Variants in COL21A1 observed in about 807,000 individuals in gnomAD.
The protein encoded by COL21A1 is collagen alpha-1(XXI) chain.
In COL21A1, 149 loss-of-function variants were observed where a neutral mutation model predicts 137.9. The observed-to-expected ratio is 1.08, with a 90% confidence interval of 0.95 to 1.24. COL21A1 has a LOEUF of 1.24. Ranked by LOEUF, COL21A1 falls within the 50% of genes most tolerant of loss-of-function variation. The pLI is 0.00. For synonymous variants in COL21A1, 456 were observed against 391.5 expected (o/e 1.16, Z -1.95); for missense variants, 1,167 against 1,158.4 (o/e 1.01, Z -0.11).
At chr6:56,280,847 C>CA (rs1282804135) in intron 1 of COL21A1, among the ~76,000 whole-genome samples, 2 of 151,898 alleles carry the variant, frequency 1.3e-5, no homozygotes, top group Admixed American at 6.6e-5. Flanking sequence ...CTCATCTCTA[C>CA]AAAAAATAAA....
At chr6:56,191,251 CA>C (rs1204824719) in intron 1 of COL21A1, among the ~76,000 whole-genome samples, 1 of 152,126 alleles carries the variant, frequency 6.6e-6, no homozygotes, top group African/African-American at 2.4e-5. Flanking sequence ...AGCACTTCAG[CA>C]AAGTCTCAGG....
chr6:56,317,389 C>T (rs1314160322), intron 1 of COL21A1, among the ~76,000 whole-genome samples: 1 of 152,182 alleles, frequency 6.6e-6, no homozygotes, highest in Non-Finnish European at 1.5e-5. Flanking sequence ...TGCAATCCCC[C>T]ATACTGTCAC....
chr6:56,255,885 A>G (rs1369327164), intron 1 of COL21A1, among the ~76,000 whole-genome samples: 2 of 152,192 alleles, frequency 1.3e-5, no homozygotes, highest in Non-Finnish European at 2.9e-5. Flanking sequence ...AGGGGACGGC[A>G]CAGGATGGGC....
intron 12 of COL21A1, among the ~76,000 whole-genome samples, chr6:56,137,039 A>C (rs935971104): frequency 1.3e-5 from 2 of 152,180 alleles, no homozygotes; most frequent in Non-Finnish European, 2.9e-5. Context: ...GCCAAAGCAG[A>C]AAAATGCAGG....
At chr6:56,076,585 AGT>A in intron 18 of COL21A1, among the ~76,000 whole-genome samples, 1 of 151,540 alleles carries the variant, frequency 6.6e-6, no homozygotes, top group Non-Finnish European at 1.5e-5. Flanking sequence ...GAAAATTATG[AGT>A]GTTTATCATT....
chr6:56,334,406 C>G (rs746241356), intron 1 of COL21A1, among the ~76,000 whole-genome samples: 5 of 152,102 alleles, frequency 3.3e-5, no homozygotes, highest in Non-Finnish European at 5.9e-5. Flanking sequence ...CTTTTGCACA[C>G]TTTAGCTTAG....
intron 1 of COL21A1, among the ~76,000 whole-genome samples, chr6:56,197,526 G>C (rs940952063): frequency 6.6e-6 from 1 of 151,944 alleles, no homozygotes; most frequent in African/African-American, 2.4e-5. Flanking sequence ...ATAAAAAACT[G>C]ATTAAAGGAT....
At chr6:56,377,023 G>A (rs1016089121) in intron 1 of COL21A1, among the ~76,000 whole-genome samples, 3 of 149,958 alleles carry the variant, frequency 2.0e-5, no homozygotes, top group African/African-American at 7.4e-5. Context: ...TGTCTCTCAG[G>A]CTGGAGTGCA....
rs184897378 is a variant in COL21A1 at position 56,288,086 on chromosome 6, A to T, written c.-38-105430T>A. On this transcript the variant is annotated intron_variant, in intron 1 of 28. Coordinates refer to the COL21A1 transcript ENST00000370819. ...TTAAGGTAACATATTTGTTTGTTTT[A>T]AACCACTAAATGTTTGGCAAGTTGT... Among the ~76,000 whole-genome samples, 5 of 152,304 alleles carry T rather than the reference A, an allele frequency of 3.3e-5. 1 individual carries two copies. Among genetic ancestry groups the T allele is most frequent in the African/African-American group, 1.2e-4 (5 of 41,564 alleles).
intron 12 of COL21A1, among the ~76,000 whole-genome samples, chr6:56,129,641 G>C (rs1016172354): frequency 6.6e-6 from 1 of 150,816 alleles, no homozygotes; most frequent in African/African-American, 2.4e-5. Flanking sequence ...ACGTGCGTGC[G>C]TGTGTGTGTG....
At chr6:56,337,341 C>T (rs926384490) in intron 1 of COL21A1, among the ~76,000 whole-genome samples, 1 of 152,210 alleles carries the variant, frequency 6.6e-6, no homozygotes, top group African/African-American at 2.4e-5. Flanking sequence ...TCCTACTCTG[C>T]AAGGCTGGAG....
At chr6:56,295,075 C>T (rs944758838) in intron 1 of COL21A1, among the ~76,000 whole-genome samples, 5 of 151,910 alleles carry the variant, frequency 3.3e-5, no homozygotes, top group South Asian at 4.1e-4. Context: ...TTTGCATGTA[C>T]GTCTATGATC....
Position 56,212,152 on chromosome 6 carries a change from A to G in COL21A1, c.-38-29496T>C, listed in dbSNP as rs1780210765. On this transcript the variant is annotated intron_variant, in intron 1 of 29. Coordinates refer to ENST00000244728, the MANE Select transcript of COL21A1 (RefSeq NM_030820.4). ...ATATTCAAATTGTATATGTAATACAATAGAGGGTTTCCTAGAAATGCATTA... is the reference window on the plus strand; with the variant it reads ...ATATTCAAATTGTATATGTAATACAGTAGAGGGTTTCCTAGAAATGCATTA... 2.6e-5 allele frequency among the ~76,000 whole-genome samples: 4 copies of G among 152,096 alleles called. No individual in the cohort carries two copies. The South Asian group carries it at 8.3e-4, about 31-fold the overall frequency.
chr6:56,124,036 G>A (rs1280624449), intron 16 of COL21A1, 26 bp downstream of exon 16: 2 of 1,382,696 alleles, frequency 1.4e-6, no homozygotes, highest in African/African-American at 1.6e-5. Context: ...TTTTTGTTTT[G>A]TCCTTTTTTT....
intron 1 of COL21A1, among the ~76,000 whole-genome samples, chr6:56,239,813 G>A (rs1782157796): frequency 6.6e-6 from 1 of 152,128 alleles, no homozygotes; most frequent in Non-Finnish European, 1.5e-5. Flanking sequence ...AAGCGGTGAG[G>A]CCTTTAGGAG....
chr6:56,233,752 A>T (rs905718730), intron 1 of COL21A1, among the ~76,000 whole-genome samples: 6 of 151,454 alleles, frequency 4.0e-5, no homozygotes, highest in African/African-American at 1.5e-4. Flanking sequence ...GCAAAAAAAA[A>T]AGACCTATTT....
chr6:56,241,401 C>T (rs1425522715), intron 1 of COL21A1, among the ~76,000 whole-genome samples: 1 of 152,194 alleles, frequency 6.6e-6, no homozygotes, highest in Non-Finnish European at 1.5e-5. Context: ...GTTTAAGCCA[C>T]CTGCTGTATG....
chr6:56,189,538 A>G (rs1164628056), intron 1 of COL21A1, among the ~76,000 whole-genome samples: 1 of 152,184 alleles, frequency 6.6e-6, no homozygotes, highest in African/African-American at 2.4e-5. Flanking sequence ...AAGCTGGAAA[A>G]CACACTTCAG....
chr6:56,098,363 G>GTAAATATATAAATATATATATA lies in COL21A1; in HGVS notation c.1812+3108_1812+3109insTATATATATATTTATATATTTA, dbSNP rs1562191624. Among the ~76,000 whole-genome samples the GTAAATATATAAATATATATATA allele has an allele frequency of 3.4e-3, 118 of 34,270 alleles. 10 individuals carry two copies. The highest frequency in any genetic ancestry group is 0.013 in the African/African-American group (72 of 5,460). The allele number at this position is 34,270 out of a possible 152,430, so 22.5% of individuals were successfully genotyped here. Reference sequence around the variant, plus strand: ...TATGTAAATATATAAATATATATATGAATATATATAAATATATATAAATAT... The same window carrying GTAAATATATAAATATATATATA: ...TATGTAAATATATAAATATATATATGTAAATATATAAATATATATATAAATATATATAAATATATATAAATAT... On this transcript the variant is annotated intron_variant, in intron 17 of 29. Transcript: ENST00000244728.
Sources: gnomAD v4.1 joint callset for allele counts (sites outside exome capture counted in the v4.1 genomes callset) on GRCh38, gnomAD v4.1.1 for gene constraint, MANE v1.5 for transcripts, NCBI Gene and HGNC (gene_info 2026-07-23, HGNC 2026-07-21) for gene names.